Variants in TRIOBP observed in about 807,000 individuals in gnomAD.
TRIOBP encodes TRIO and F-actin binding protein, also known as TRIO and F-actin-binding protein.
In TRIOBP, 169 loss-of-function variants were observed where a neutral mutation model predicts 238.8. The observed-to-expected ratio is 0.71, with a 90% CI of 0.62 to 0.80. The LOEUF (loss-of-function observed/expected upper bound fraction) is 0.80, where lower values mean the gene tolerates loss of function less well. Among genes scored for constraint, TRIOBP ranks in the 30% least tolerant of loss-of-function variants. TRIOBP has a pLI of 0.00. For synonymous variants in TRIOBP, 1,150 were observed against 1,274.4 expected, an observed-to-expected ratio of 0.90 and a Z score of 2.08; for missense variants, 2,838 against 3,122.6, an observed-to-expected ratio of 0.91 and a Z score of 2.17.
In TRIOBP at chr22:37,768,089, A is replaced by G; in HGVS notation, c.6488A>G (p.Lys2163Arg). 6.2e-7 allele frequency: 1 copy of G among 1,612,974 alleles called. No individual in the cohort carries two copies. The highest frequency in any genetic ancestry group is 8.5e-7 in the Non-Finnish European group (1 of 1,179,562). The change falls in exon 19 of 24, where the codon AAG becomes AGG. Residue 2163 changes from lysine to arginine, a missense_variant. This residue lies in a region of TRIOBP where 2,096 missense variants were observed against 2,137.4 expected (regional missense o/e 0.98). Coordinates refer to ENST00000644935, the MANE Select transcript of TRIOBP (RefSeq NM_001039141.3). The stretch of plus-strand genomic sequence containing the variant: ...CTGCTTCCAGCCATTGAAGCCATGA[A>G]GAAGGCCTACCAGGAAGAGCTGAGC... ...AATASAIEAM[K>R]KAYQEELSRE...
Position 37,733,279 on chromosome 22 carries a change from T to G in TRIOBP, c.3948-19T>G. The G allele has an allele frequency of 5.9e-6, 9 of 1,528,332 alleles. No homozygotes were observed. Among genetic ancestry groups the G allele is most frequent in the Non-Finnish European group, 7.1e-6 (8 of 1,126,836 alleles). 94.7% of individuals were successfully genotyped at this position (1,528,332 alleles called of 1,614,324 possible). A position where few individuals can be genotyped will look rare whatever the true frequency, so the allele number is the denominator to read the frequency against. ...GGAGTGGGACAGTCCCTCAGAGGAG[T>G]GGCTGCATTTGCTCATAGGAAGTCC... On this transcript the variant is annotated intron_variant, in intron 7 of 23. Transcript: ENST00000644935.
At chr22:37,754,083 T>C (rs1925775350) in intron 12 of TRIOBP, among the ~76,000 whole-genome samples, 1 of 152,166 alleles carries the variant, frequency 6.6e-6, no homozygotes, top group Admixed American at 6.5e-5. Context: ...TCTCACCTGC[T>C]GCGGATGTGG....
intron 3 of TRIOBP, among the ~76,000 whole-genome samples, chr22:37,702,871 G>A (rs1286735416): frequency 6.6e-6 from 1 of 151,810 alleles, no homozygotes; most frequent in African/African-American, 2.4e-5. Context: ...TCAAATTCCT[G>A]GGCTCAGGTG....
At chr22:37,765,301 A>C (rs1398564896) in intron 17 of TRIOBP, among the ~76,000 whole-genome samples, 1 of 152,116 alleles carries the variant, frequency 6.6e-6, no homozygotes, top group Non-Finnish European at 1.5e-5. Context: ...CAAAAACAAA[A>C]AAACCACAAA....
chr22:37,727,490 A>G (rs1924231588), intron 7 of TRIOBP, among the ~76,000 whole-genome samples: 1 of 151,856 alleles, frequency 6.6e-6, no homozygotes, highest in African/African-American at 2.4e-5. Context: ...AACACGGTGA[A>G]ACCCCATCTC....
At position 37,725,979 on chromosome 22, in the gene TRIOBP, G is replaced by A; in HGVS notation, c.3423G>A (p.Arg1141=). 6.2e-7 allele frequency: 1 copy of A among 1,603,420 alleles called. No homozygotes were observed. The highest frequency in any genetic ancestry group is 1.1e-5 in the South Asian group (1 of 90,578). ...EPSLLFQDLP[R]ASTESLVPSM... ...CCCTCTTATTCCAGGACCTCCCCAG[G>A]GCCAGCACAGAGAGCCTTGTCCCTT... The change falls in exon 7 of 24, where the codon AGG becomes AGA. Residue 1141 remains arginine, a synonymous_variant. Transcript: ENST00000644935.
At chr22:37,761,169 C>T (rs549353889) in intron 17 of TRIOBP, among the ~76,000 whole-genome samples, 1 of 152,020 alleles carries the variant, frequency 6.6e-6, no homozygotes, top group East Asian at 1.9e-4. Flanking sequence ...GAAGCTCTGG[C>T]CTGGTACGGT....
Position 37,735,167 on chromosome 22 carries a change from C to T in TRIOBP, c.4831C>T (p.Pro1611Ser). The part of the protein sequence containing the change: ...HRDDLARALG[P>S]ELGPPGTNDV... ...GGATGACCTGGCCAGGGCTTTAGGG[C>T]CAGAGCTGGGTCCCCCAGGCACAAA... is the stretch of plus-strand genomic sequence containing the variant. Residue 1611 changes from proline (P) to serine (S), a missense_variant, in exon 9 of 24, where the codon CCA becomes TCA. Coordinates refer to ENST00000644935, the MANE Select transcript of TRIOBP (RefSeq NM_001039141.3). The T allele has an allele frequency of 6.2e-7, 1 of 1,609,856 alleles. No individual in the cohort carries two copies. The highest frequency in any genetic ancestry group is 1.3e-5 in the African/African-American group (1 of 74,946).
At chr22:37,770,046 C>CTT (rs1162956733) in intron 21 of TRIOBP, among the ~76,000 whole-genome samples, 39 of 136,100 alleles carry the variant, frequency 2.9e-4, no homozygotes, top group African/African-American at 8.5e-4. Context: ...TATTTCTTTA[C>CTT]TTTTTTTTTT....
At chr22:37,707,956 A>G (rs1021362834) in intron 3 of TRIOBP, among the ~76,000 whole-genome samples, 7 of 145,802 alleles carry the variant, frequency 4.8e-5, no homozygotes, top group Admixed American at 2.1e-4. Context: ...AAAAGAAAAA[A>G]AAAAAAAAGG....
At chr22:37,754,834 T>C in intron 12 of TRIOBP, 43 bp from the exon 13 acceptor site, 1 of 1,600,660 alleles carries the variant, frequency 6.2e-7, no homozygotes, top group South Asian at 1.1e-5. Flanking sequence ...AGGACACCTG[T>C]ACAATCACAC....
Position 37,735,265 on chromosome 22 carries a change from C to A in TRIOBP, c.4929C>A (p.Ser1643Arg). ...WAEATPVNGH[S>R]PALQSQSPVQ... ...AGGCCACCCCAGTCAATGGACACAG[C>A]CCCGCACTGCAGTCCCAGAGCCCGG... Residue 1643 changes from serine to arginine, a missense_variant, in exon 9 of 24, where the codon AGC becomes AGA. Transcript: ENST00000644935. 6.2e-7 allele frequency: 1 copy of A among 1,608,998 alleles called. No individual in the cohort carries two copies.
At chr22:37,751,698 C>T (rs1925613053) in intron 11 of TRIOBP, 74 bp from the exon 12 acceptor site, 2 of 1,538,108 alleles carry the variant, frequency 1.3e-6, no homozygotes, top group African/African-American at 1.4e-5. Context: ...AGGGTGGGTG[C>T]AGCACGCTCC....
At position 37,734,444 on chromosome 22, in the gene TRIOBP, C is replaced by A. The variant is rs1924561370; in HGVS notation, c.4108C>A (p.Gln1370Lys). The A allele has an allele frequency of 6.2e-7, 1 of 1,613,218 alleles. No homozygotes were observed. Among genetic ancestry groups the A allele is most frequent in the Non-Finnish European group, 8.5e-7 (1 of 1,179,924 alleles). ...ACAGGCAGAACTGACCCGGCGGAGC[C>A]AAGCAGAGCCCCCTCATCCTTGGAG... ...AKQAELTRRS[Q>K]AEPPHPWSPE... Residue 1370 changes from glutamine (Q) to lysine (K), a missense_variant, in exon 9 of 24, where the codon CAA becomes AAA. Around this residue, in one of 5 missense-constraint regions of TRIOBP, gnomAD observed 2,096 missense variants for 2,137.4 expected, o/e 0.98. Coordinates refer to ENST00000644935, the MANE Select transcript of TRIOBP (RefSeq NM_001039141.3).
At chr22:37,766,939 T>C (rs1315917519) in intron 18 of TRIOBP, among the ~76,000 whole-genome samples, 1 of 137,846 alleles carries the variant, frequency 7.3e-6, no homozygotes, top group East Asian at 2.1e-4. Flanking sequence ...CCAGCCTGGA[T>C]GACAGAGTAA....
intron 17 of TRIOBP, among the ~76,000 whole-genome samples, chr22:37,765,117 C>A (rs1264752057): frequency 2.6e-5 from 4 of 152,162 alleles, no homozygotes; most frequent in African/African-American, 9.7e-5. Context: ...CCCATCTCTA[C>A]TAAAAATACA....
chr22:37,759,397 C>A, intron 17 of TRIOBP, 133 bp downstream of exon 17: 1 of 1,257,158 alleles, frequency 8.0e-7, no homozygotes, highest in Non-Finnish European at 1.2e-6. Flanking sequence ...CATGCGTCAT[C>A]TCATTTACTC....
chr22:37,698,923 G>A (rs183345557), intron 2 of TRIOBP, among the ~76,000 whole-genome samples: 149 of 152,118 alleles, frequency 9.8e-4, no homozygotes, highest in Middle Eastern at 6.8e-3. Context: ...CGAAGGGGGC[G>A]GATCACCTGA....
intron 3 of TRIOBP, among the ~76,000 whole-genome samples, chr22:37,704,876 G>A (rs1922851538): frequency 6.7e-6 from 1 of 148,378 alleles, no homozygotes; most frequent in African/African-American, 2.5e-5. Context: ...AGACCAGCCT[G>A]GGCAGCACAG....
Sources: gnomAD v4.1 joint callset for allele counts (sites outside exome capture counted in the v4.1 genomes callset) on GRCh38, gnomAD v4.1.1 for gene constraint, gnomAD v4.1.1 regional missense constraint, MANE v1.5 for transcripts, NCBI Gene and HGNC (gene_info 2026-07-23, HGNC 2026-07-21) for gene names.